Variants in MLLT3 observed in about 807,000 individuals in gnomAD.
MLLT3 encodes the protein MLLT3 super elongation complex subunit, also known as protein AF-9.
A neutral mutation model predicts 53.2 loss-of-function variants in MLLT3; 4 were observed. That is an observed-to-expected ratio of 0.08 (90% CI 0.04 to 0.17). MLLT3 has a LOEUF of 0.17. Among genes scored for constraint, MLLT3 ranks in the 10% least tolerant of loss-of-function variants. The pLI is 1.00. For synonymous variants in MLLT3, 283 were observed against 230.6 expected (o/e 1.23, Z -2.06); for missense variants, 569 against 684.0 (o/e 0.83, Z 1.87).
intron 4 of MLLT3, among the ~76,000 whole-genome samples, chr9:20,418,734 G>A (rs1476839376): frequency 6.6e-6 from 1 of 151,984 alleles, no homozygotes; most frequent in African/African-American, 2.4e-5. Flanking sequence ...CTCCTGCCTT[G>A]GACTCCCAAC....
rs575877050 is a variant in MLLT3 at position 20,406,060 on chromosome 9, C to T, written c.1125+7661G>A. ...CTAGGAGGCAGAGGCTGCAGTGAGC[C>T]GAGATTGCACCACTACACTCCAGCC... On this transcript the variant is annotated intron_variant, in intron 5 of 10. Coordinates refer to ENST00000380338, the MANE Select transcript of MLLT3 (RefSeq NM_004529.4). Among the ~76,000 whole-genome samples the T allele has an allele frequency of 7.9e-5, 12 of 151,742 alleles. No homozygotes were observed. The South Asian group carries it at 2.1e-3, about 26-fold the overall frequency.
At chr9:20,541,339 A>G (rs1263639357) in intron 2 of MLLT3, among the ~76,000 whole-genome samples, 3 of 152,166 alleles carry the variant, frequency 2.0e-5, no homozygotes, top group East Asian at 3.8e-4. Flanking sequence ...CAGCAGTGCC[A>G]CACTACCAGT....
At chr9:20,379,232 C>T (rs527386162) in intron 5 of MLLT3, among the ~76,000 whole-genome samples, 7 of 152,186 alleles carry the variant, frequency 4.6e-5, no homozygotes, top group Admixed American at 3.3e-4. Flanking sequence ...CTAGTTCTCA[C>T]AGCCTGGACG....
At chr9:20,415,957 T>G (rs772182542) in intron 4 of MLLT3, among the ~76,000 whole-genome samples, 11 of 151,948 alleles carry the variant, frequency 7.2e-5, no homozygotes, top group Non-Finnish European at 1.3e-4. Context: ...TGGAGTGGTT[T>G]CAAAATTCTA....
intron 2 of MLLT3, among the ~76,000 whole-genome samples, chr9:20,600,011 C>G (rs1820377143): frequency 6.6e-6 from 1 of 151,804 alleles, no homozygotes; most frequent in Admixed American, 6.6e-5. Flanking sequence ...CTTATACAGC[C>G]TTATAAAGAG....
intron 2 of MLLT3, among the ~76,000 whole-genome samples, chr9:20,514,402 C>T (rs10811359): frequency 0.48 from 72,483 of 151,810 alleles, 17,645 homozygotes; most frequent in East Asian, 0.63. Context: ...CCCACTCGAG[C>T]TGATGCAGGC....
At chr9:20,546,230 G>A (rs1818783588) in intron 2 of MLLT3, among the ~76,000 whole-genome samples, 1 of 150,466 alleles carries the variant, frequency 6.6e-6, no homozygotes, top group Admixed American at 6.6e-5. Flanking sequence ...AATGTTGCTT[G>A]ATACAAATAT....
intron 5 of MLLT3, among the ~76,000 whole-genome samples, chr9:20,389,035 A>T (rs535704504): frequency 3.9e-5 from 6 of 152,354 alleles, no homozygotes; most frequent in African/African-American, 1.4e-4. Flanking sequence ...TATGTAAAAA[A>T]ACACTGAATC....
intron 2 of MLLT3, among the ~76,000 whole-genome samples, chr9:20,553,337 AG>A (rs1448463021): frequency 3.9e-5 from 6 of 152,164 alleles, no homozygotes; most frequent in Non-Finnish European, 7.3e-5. Context: ...ATCCACAAGG[AG>A]GTAATAGTTG....
chr9:20,617,904 A>AT (rs1820876544), intron 2 of MLLT3, among the ~76,000 whole-genome samples: 1 of 152,182 alleles, frequency 6.6e-6, no homozygotes, highest in African/African-American at 2.4e-5. Flanking sequence ...AAATACTATA[A>AT]TTTTTTCTCC....
Position 20,588,879 on chromosome 9 carries a change from A to T in MLLT3, c.193+31775T>A, listed in dbSNP as rs1335275603. Among the ~76,000 whole-genome samples the T allele has an allele frequency of 5.3e-5, 8 of 152,084 alleles. No individual in the cohort carries two copies. The South Asian group carries it at 6.2e-4, about 12-fold the overall frequency. ...TCAGAGAAATGCAAATCAAAACCAC[A>T]ATGAGATACCATCTCACACCAGTTA... is the stretch of plus-strand genomic sequence containing the variant. On this transcript the variant is annotated intron_variant, in intron 2 of 10. Coordinates refer to ENST00000380338, the MANE Select transcript of MLLT3 (RefSeq NM_004529.4).
At chr9:20,544,310 G>T (rs892793027) in intron 2 of MLLT3, among the ~76,000 whole-genome samples, 1 of 152,094 alleles carries the variant, frequency 6.6e-6, no homozygotes, top group South Asian at 2.1e-4. Context: ...AGACTAATGG[G>T]ACTATATATA....
At position 20,363,618 on chromosome 9, in the gene MLLT3, A is replaced by C; in HGVS notation, c.1202-13T>G. On this transcript the variant is annotated splice_polypyrimidine_tract_variant and intron_variant, in intron 6 of 10. Transcript: ENST00000380338. ...GACCTCAAAGGACCTGAGTAATGAC[A>C]ATGAACCACAGGCAATCAAACATAT... 2 of 1,612,406 alleles carry C rather than the reference A, an allele frequency of 1.2e-6. No individual in the cohort carries two copies. Among genetic ancestry groups the C allele is most frequent in the Non-Finnish European group, 1.7e-6 (2 of 1,179,638 alleles).
chr9:20,508,424 C>T (rs915872750), intron 2 of MLLT3, among the ~76,000 whole-genome samples: 1 of 152,150 alleles, frequency 6.6e-6, no homozygotes, highest in African/African-American at 2.4e-5. Flanking sequence ...AGGACACTAC[C>T]GCAGTGCCAA....
chr9:20,404,958 G>A (rs1435387718), intron 5 of MLLT3, among the ~76,000 whole-genome samples: 2 of 151,950 alleles, frequency 1.3e-5, no homozygotes, highest in Non-Finnish European at 2.9e-5. Flanking sequence ...CTCCATGAGC[G>A]CAACCTTTAT....
intron 2 of MLLT3, among the ~76,000 whole-genome samples, chr9:20,587,030 A>G (rs1476320793): frequency 6.6e-6 from 1 of 152,184 alleles, no homozygotes; most frequent in Non-Finnish European, 1.5e-5. Context: ...AGTCAGGAGA[A>G]GCCAGCCAAT....
At chr9:20,529,983 C>A (rs1818291140) in intron 2 of MLLT3, among the ~76,000 whole-genome samples, 1 of 152,064 alleles carries the variant, frequency 6.6e-6, no homozygotes, top group Admixed American at 6.5e-5. Flanking sequence ...GGATTGTTTA[C>A]CACCTCCACT....
chr9:20,529,718 C>T (rs1818282345), intron 2 of MLLT3, among the ~76,000 whole-genome samples: 1 of 147,566 alleles, frequency 6.8e-6, no homozygotes. Flanking sequence ...GATGATTAAT[C>T]CAATCCTTTT....
intron 2 of MLLT3, among the ~76,000 whole-genome samples, chr9:20,576,745 A>G (rs1819663564): frequency 6.6e-6 from 1 of 152,228 alleles, no homozygotes. Flanking sequence ...AAGCATTACC[A>G]AAAGGTGACA....
Sources: gnomAD v4.1 joint callset for allele counts (sites outside exome capture counted in the v4.1 genomes callset) on GRCh38, gnomAD v4.1.1 for gene constraint, MANE v1.5 for transcripts, NCBI Gene and HGNC (gene_info 2026-07-23, HGNC 2026-07-21) for gene names.